Variants in KIF13B observed in about 807,000 individuals in gnomAD.
KIF13B encodes the protein kinesin-like protein KIF13B.
Under a neutral mutation model 222.0 loss-of-function variants are expected in KIF13B, and 127 were observed. That is an observed-to-expected ratio of 0.57 (90% CI 0.50 to 0.66). The LOEUF is 0.66. KIF13B is among the 30% of genes least tolerant of loss of function. The pLI, the probability that KIF13B is intolerant of heterozygous loss-of-function variation, is 0.00. For synonymous variants in KIF13B, 976 were observed against 919.0 expected, an observed-to-expected ratio of 1.06 and a Z score of -1.12; for missense variants, 2,173 against 2,379.0, an observed-to-expected ratio of 0.91 and a Z score of 1.80.
chr8:29,112,965 T>C (rs1457207636), intron 32 of KIF13B, among the ~76,000 whole-genome samples: 2 of 152,202 alleles, frequency 1.3e-5, no homozygotes, highest in South Asian at 2.1e-4. Context: ...ATAGTAGCAA[T>C]AACATGTTCT....
At chr8:29,254,262 G>A (rs890642355) in intron 1 of KIF13B, among the ~76,000 whole-genome samples, 5 of 152,164 alleles carry the variant, frequency 3.3e-5, no homozygotes, top group African/African-American at 4.8e-5. Flanking sequence ...AAATCCACAT[G>A]ATGTTAGATA....
At chr8:29,132,558 G>GA (rs1383973187) in intron 22 of KIF13B, 93 bp from the exon 23 acceptor site, 40 of 781,378 alleles carry the variant, frequency 5.1e-5, no homozygotes, top group South Asian at 1.1e-4. Flanking sequence ...TTATATCAGG[G>GA]AAAAAAAATA....
At chr8:29,150,663 T>C (rs1335043209) in intron 14 of KIF13B, among the ~76,000 whole-genome samples, 2 of 152,184 alleles carry the variant, frequency 1.3e-5, no homozygotes, top group East Asian at 3.8e-4. Context: ...TAAGCAAGGC[T>C]ACAGGAGATA....
intron 1 of KIF13B, among the ~76,000 whole-genome samples, chr8:29,248,940 T>A (rs1816159835): frequency 6.6e-6 from 1 of 152,210 alleles, no homozygotes; most frequent in Non-Finnish European, 1.5e-5. Context: ...AAATTGATTG[T>A]GCTGATGGCT....
rs531704937 is a variant in KIF13B, at chr8:29,150,158, T to C, written c.1622+139A>G. On this transcript the variant is annotated intron_variant, in intron 15 of 39. Transcript: ENST00000524189. ...GTGAATGAACACACACACACATATA[T>C]AATACACATGCAGCAAATATATACG... 340 of 584,814 alleles carry C rather than the reference T, an allele frequency of 5.8e-4. 7 individuals are homozygous for C. The Middle Eastern group carries it at 0.039, about 66-fold the overall frequency. The allele number at this position is 584,814 out of a possible 1,614,324, so 36.2% of individuals were successfully genotyped here.
At chr8:29,093,285 T>C (rs1411382029) in intron 36 of KIF13B, among the ~76,000 whole-genome samples, 1 of 152,206 alleles carries the variant, frequency 6.6e-6, no homozygotes, top group African/African-American at 2.4e-5. Flanking sequence ...TCAGGGACTA[T>C]GTCTTATTCA....
chr8:29,127,814 CA>C (rs1190086049), intron 24 of KIF13B, among the ~76,000 whole-genome samples: 1 of 151,996 alleles, frequency 6.6e-6, no homozygotes, highest in Non-Finnish European at 1.5e-5. Context: ...TACATATACA[CA>C]AAAAATCTTA....
At chr8:29,187,199 G>A (rs1812973421) in intron 5 of KIF13B, among the ~76,000 whole-genome samples, 1 of 152,116 alleles carries the variant, frequency 6.6e-6, no homozygotes, top group South Asian at 2.1e-4. Context: ...TCACTATAGT[G>A]TGGAAACTAA....
intron 2 of KIF13B, among the ~76,000 whole-genome samples, chr8:29,224,602 T>G (rs771144978): frequency 2.0e-5 from 3 of 152,190 alleles, no homozygotes; most frequent in Non-Finnish European, 4.4e-5. Context: ...AATCGCTAAA[T>G]TTCATTTGTA....
chr8:29,212,846 AC>A (rs1814291621), intron 2 of KIF13B, among the ~76,000 whole-genome samples: 1 of 149,706 alleles, frequency 6.7e-6, no homozygotes, highest in Admixed American at 6.7e-5. Flanking sequence ...TAGATAACAC[AC>A]GTACCTGAGG....
chr8:29,146,757 G>A (rs759213323), intron 17 of KIF13B, among the ~76,000 whole-genome samples: 19 of 152,150 alleles, frequency 1.2e-4, no homozygotes, highest in African/African-American at 3.6e-4. Context: ...ACAGCAAGCC[G>A]GCTGTAGATA....
rs1320622259 is a variant in KIF13B at position 29,068,631 on chromosome 8, C to T, written c.*1873G>A. Reference sequence around the variant, plus strand: ...ACCACGAAGTGCCAGGTCCCACCCACGCTGCCCGTCCGCCACCATTCCCAG... The same window carrying T: ...ACCACGAAGTGCCAGGTCCCACCCATGCTGCCCGTCCGCCACCATTCCCAG... On this transcript the variant is annotated 3_prime_UTR_variant, in exon 40 of 40. Transcript: ENST00000524189. The surrounding 1 kb of genome is among the most constrained non-coding windows in gnomAD (Gnocchi z 4.4). 1 of 152,434 alleles carries T rather than the reference C, an allele frequency of 6.6e-6. No homozygotes were observed. The highest frequency in any genetic ancestry group is 1.9e-4 in the East Asian group (1 of 5,198). The allele number at this position is 152,434 out of a possible 1,614,324, so 9.4% of individuals were successfully genotyped here.
At chr8:29,174,542 G>A (rs1451604183) in intron 10 of KIF13B, among the ~76,000 whole-genome samples, 2 of 152,122 alleles carry the variant, frequency 1.3e-5, no homozygotes, top group Non-Finnish European at 2.9e-5. Context: ...AAAAGACAAG[G>A]TTAGAATTGT....
chr8:29,169,010 G>A (rs1451787383), intron 10 of KIF13B, among the ~76,000 whole-genome samples: 2 of 152,212 alleles, frequency 1.3e-5, no homozygotes, highest in Admixed American at 1.3e-4. Flanking sequence ...AGACTCTCAA[G>A]ATTAGAGGGA....
At chr8:29,234,370 A>G (rs1449878074) in intron 2 of KIF13B, among the ~76,000 whole-genome samples, 1 of 152,016 alleles carries the variant, frequency 6.6e-6, no homozygotes, top group South Asian at 2.1e-4. Context: ...GTGCTATAAC[A>G]TGGATGAACC....
At chr8:29,117,047 C>A (rs1049803498) in intron 30 of KIF13B, 40 bp from the exon 31 acceptor site, 8 of 1,502,052 alleles carry the variant, frequency 5.3e-6, no homozygotes, top group African/African-American at 1.4e-5. Context: ...TCTCTCTTCT[C>A]CAGAAACATG....
chr8:29,254,922 A>C (rs1455475080), intron 1 of KIF13B, among the ~76,000 whole-genome samples: 1 of 152,248 alleles, frequency 6.6e-6, no homozygotes, highest in Non-Finnish European at 1.5e-5. Context: ...AATACAAAAC[A>C]CAGCATATCT....
At chr8:29,192,034 T>C (rs1813214401) in intron 3 of KIF13B, among the ~76,000 whole-genome samples, 1 of 152,222 alleles carries the variant, frequency 6.6e-6, no homozygotes, top group South Asian at 2.1e-4. Context: ...TTTTATGGTT[T>C]ACATGATTGC....
intron 1 of KIF13B, among the ~76,000 whole-genome samples, chr8:29,256,251 T>G (rs985124279): frequency 2.6e-5 from 4 of 152,228 alleles, no homozygotes. Context: ...TCTGATTCAG[T>G]TAATGACACC....
Sources: gnomAD v4.1 joint callset for allele counts (sites outside exome capture counted in the v4.1 genomes callset) on GRCh38, gnomAD v4.1.1 for gene constraint, Gnocchi (gnomAD v3.1) non-coding constraint, MANE v1.5 for transcripts, NCBI Gene and HGNC (gene_info 2026-07-23, HGNC 2026-07-21) for gene names.